ADGRA1: variants seen among roughly 807,000 people sequenced by gnomAD.
The protein encoded by ADGRA1 is G-protein coupled receptor 123.
A neutral mutation model predicts 21.3 loss-of-function variants in ADGRA1; 12 were observed. The ratio of observed to expected loss-of-function variants is 0.56; its 90% confidence interval spans 0.36 to 0.91. The LOEUF is 0.91. Among genes scored for constraint, ADGRA1 ranks in the 40% least tolerant of loss-of-function variants. The pLI is 0.01. For synonymous variants in ADGRA1, 385 were observed against 368.8 expected, an observed-to-expected ratio of 1.04 and a Z score of -0.50; for missense variants, 790 against 805.6, an observed-to-expected ratio of 0.98 and a Z score of 0.23.
At chr10:133,109,535 T>C (rs1457353514) in intron 5 of ADGRA1, among the ~76,000 whole-genome samples, 1 of 152,072 alleles carries the variant, frequency 6.6e-6, no homozygotes, top group Non-Finnish European at 1.5e-5. Context: ...GGTCGGTCCC[T>C]CCAGTGGGAT....
At chr10:133,105,021 C>T (rs1394463282) in intron 5 of ADGRA1, among the ~76,000 whole-genome samples, 3 of 152,228 alleles carry the variant, frequency 2.0e-5, no homozygotes, top group African/African-American at 7.2e-5. Flanking sequence ...CACCAGGAAA[C>T]CTCCTCATCA....
chr10:133,113,165 A>ACGTCGGTT, intron 5 of ADGRA1, among the ~76,000 whole-genome samples: 2 of 29,370 alleles, frequency 6.8e-5, no homozygotes, highest in Non-Finnish European at 1.2e-4. Flanking sequence ...TGAGGTCTGT[A>ACGTCGGTT]AGCCGCGTCG....
rs1851734292 is a variant in ADGRA1 at position 133,098,732 on chromosome 10, A to G, written c.224A>G (p.Asn75Ser). ...LTFTVFAGGI[N>S]RTKYPILCQA... ...TTCACTGTGTTCGCCGGCGGCATCA[A>G]TCGCACCAAGTACCCCATCCTGTGC... Residue 75 changes from asparagine (N) to serine (S), a missense_variant, in exon 4 of 7, where the codon AAT (asparagine) becomes AGT (serine). Physicochemically the swap from Asn to Ser is conservative, Grantham distance 46. Coordinates refer to ENST00000392607, the MANE Select transcript of ADGRA1 (RefSeq NM_001083909.3). 1.1e-5 allele frequency: 18 copies of G among 1,611,782 alleles called. No homozygotes were observed. Among genetic ancestry groups the G allele is most frequent in the African/African-American group, 1.3e-5 (1 of 74,938 alleles).
intron 5 of ADGRA1, among the ~76,000 whole-genome samples, chr10:133,119,458 C>A (rs941491815): frequency 4.6e-5 from 7 of 152,214 alleles, no homozygotes; most frequent in African/African-American, 1.4e-4. Flanking sequence ...CAAAAGAGTT[C>A]TCTGTAGCAC....
At position 133,128,819 on chromosome 10, in the gene ADGRA1, C is replaced by T; in HGVS notation, c.991C>T (p.Leu331Phe). 6.2e-7 allele frequency: 1 copy of T among 1,605,102 alleles called. No individual in the cohort carries two copies. The highest frequency in any genetic ancestry group is 8.5e-7 in the Non-Finnish European group (1 of 1,176,864). Residue 331 changes from leucine (L) to phenylalanine (F), a missense_variant, in exon 7 of 7, where the codon CTT (leucine) becomes TTT (phenylalanine). Coordinates refer to ENST00000392607, the MANE Select transcript of ADGRA1 (RefSeq NM_001083909.3). Reference protein sequence around the residue: ...CPPRKDAHPALDANGAALGRA... With the variant: ...CPPRKDAHPAFDANGAALGRA... Reference sequence around the variant, plus strand: ...GCCCCGCAAGGACGCCCACCCCGCACTTGACGCCAACGGGGCCGCGCTGGG... The same window carrying T: ...GCCCCGCAAGGACGCCCACCCCGCATTTGACGCCAACGGGGCCGCGCTGGG...
intron 2 of ADGRA1, among the ~76,000 whole-genome samples, chr10:133,089,686 G>A (rs550061218): frequency 3.9e-5 from 6 of 152,352 alleles, no homozygotes; most frequent in South Asian, 2.1e-4. Context: ...GGCGTGCTTC[G>A]GAGCAGACCC....
At chr10:133,090,585 G>A (rs928273035) in intron 2 of ADGRA1, among the ~76,000 whole-genome samples, 8 of 152,162 alleles carry the variant, frequency 5.3e-5, no homozygotes, top group African/African-American at 1.2e-4. Flanking sequence ...TTCACAGCAC[G>A]TGTCTCCAAG....
At chr10:133,115,119 C>T (rs1852132514) in intron 5 of ADGRA1, among the ~76,000 whole-genome samples, 1 of 152,140 alleles carries the variant, frequency 6.6e-6, no homozygotes, top group Non-Finnish European at 1.5e-5. Flanking sequence ...CGGAAGGGCC[C>T]AGTGGTCAGA....
intron 4 of ADGRA1, among the ~76,000 whole-genome samples, chr10:133,100,702 A>C (rs950874308): frequency 6.6e-6 from 1 of 152,184 alleles, no homozygotes; most frequent in East Asian, 1.9e-4. Flanking sequence ...CGATCCACTC[A>C]CTCGCTCACT....
intron 2 of ADGRA1, among the ~76,000 whole-genome samples, chr10:133,096,527 G>A (rs150112416): frequency 4.6e-5 from 7 of 152,360 alleles, no homozygotes; most frequent in African/African-American, 1.4e-4. Context: ...TTGACAAGCA[G>A]GGTTTCGATG....
chr10:133,115,506 G>A (rs1852140467), intron 5 of ADGRA1, among the ~76,000 whole-genome samples: 1 of 152,176 alleles, frequency 6.6e-6, no homozygotes, highest in Non-Finnish European at 1.5e-5. Context: ...TAGATCGGGG[G>A]TACCCCGAGA....
At position 133,118,535 on chromosome 10, in the gene ADGRA1, G is replaced by A. The variant is rs559332353; in HGVS notation, c.402-8698G>A. Among the ~76,000 whole-genome samples the A allele has an allele frequency of 1.1e-3, 164 of 152,288 alleles. 2 individuals are homozygous for A. Among genetic ancestry groups the A allele is most frequent in the African/African-American group, 3.7e-3 (153 of 41,552 alleles). On this transcript the variant is annotated intron_variant, in intron 5 of 6. Transcript: ENST00000392607. ...ACTTACAGTCCTGGCAGAAGGGGAA[G>A]GAGAAGCAGCACCTTCTTCACAAGG... is the stretch of plus-strand genomic sequence containing the variant.
chr10:133,125,779 C>A (rs1403843488), intron 5 of ADGRA1, among the ~76,000 whole-genome samples: 2 of 152,158 alleles, frequency 1.3e-5, no homozygotes, highest in Non-Finnish European at 2.9e-5. Flanking sequence ...AAATCCGCAA[C>A]CTTTCCACAG....
intron 5 of ADGRA1, among the ~76,000 whole-genome samples, chr10:133,115,743 C>T (rs1258517286): frequency 3.9e-5 from 6 of 152,130 alleles, no homozygotes; most frequent in East Asian, 1.9e-4. Context: ...CTTGACACAC[C>T]GGCTGCAAGC....
chr10:133,124,050 C>A lies in ADGRA1; in HGVS notation c.402-3183C>A, dbSNP rs1022682924. On this transcript the variant is annotated intron_variant, in intron 5 of 6. Coordinates refer to ENST00000392607, the MANE Select transcript of ADGRA1 (RefSeq NM_001083909.3). The stretch of plus-strand genomic sequence containing the variant: ...TCCTGTGCGATGCTCATCTACCTGC[C>A]CCGGCACTGATGGCCGCTCCTCCCT... 7.2e-5 allele frequency among the ~76,000 whole-genome samples: 11 copies of A among 152,352 alleles called. No individual in the cohort carries two copies. The South Asian group carries it at 2.3e-3, about 32-fold the overall frequency.
chr10:133,106,913 T>C (rs949533429), intron 5 of ADGRA1, among the ~76,000 whole-genome samples: 1 of 152,244 alleles, frequency 6.6e-6, no homozygotes, highest in African/African-American at 2.4e-5. Context: ...CACGATTGCA[T>C]CTGAAGGCCA....
intron 5 of ADGRA1, among the ~76,000 whole-genome samples, chr10:133,117,905 C>G (rs1852187671): frequency 6.6e-6 from 1 of 152,214 alleles, no homozygotes; most frequent in African/African-American, 2.4e-5. Context: ...CATCCCTGCC[C>G]CTCCCTTTGC....
At position 133,131,065 on chromosome 10, in the gene ADGRA1, G is replaced by T. The variant is rs966630981; in HGVS notation, c.*1554G>T. The T allele has an allele frequency of 2.0e-5, 3 of 152,252 alleles. No homozygotes were observed. The highest frequency in any genetic ancestry group is 7.2e-5 in the African/African-American group (3 of 41,468). 9.4% of individuals were successfully genotyped at this position (152,252 alleles called of 1,614,324 possible). A position where few individuals can be genotyped will look rare whatever the true frequency, so the allele number is the denominator to read the frequency against. The stretch of plus-strand genomic sequence containing the variant: ...GCTATCCGGTTGGGAGGTCTCACCA[G>T]GAGCAGAGCCTCCCTAACGTGCACC... On this transcript the variant is annotated 3_prime_UTR_variant, in exon 7 of 7. Transcript: ENST00000392607.
chr10:133,109,610 G>A (rs957218802), intron 5 of ADGRA1, among the ~76,000 whole-genome samples: 4 of 152,038 alleles, frequency 2.6e-5, no homozygotes, highest in East Asian at 3.9e-4. Context: ...GTGAGACCCC[G>A]ACCTTCTGCC....
Sources: allele counts gnomAD v4.1 joint callset (sites outside exome capture counted in the v4.1 genomes callset), GRCh38; gene constraint gnomAD v4.1.1; transcripts MANE v1.5; gene names NCBI Gene and HGNC (gene_info 2026-07-23, HGNC 2026-07-21).